AUTS2: variants seen among roughly 807,000 people sequenced by gnomAD.
AUTS2 encodes the protein activator of transcription and developmental regulator AUTS2, also known as autism susceptibility gene 2 protein.
AUTS2 carries 17 observed loss-of-function variants against 112.4 expected under a neutral mutation model. The ratio of observed to expected loss-of-function variants is 0.15; its 90% confidence interval spans 0.10 to 0.23. AUTS2 has a LOEUF of 0.23. AUTS2 is among the 10% of genes least tolerant of loss of function. The pLI, the probability that AUTS2 is intolerant of heterozygous loss-of-function variation, is 1.00. For synonymous variants in AUTS2, 751 were observed against 702.7 expected (o/e 1.07, Z -1.09); for missense variants, 1,510 against 1,701.6 (o/e 0.89, Z 1.98).
At position 70,590,885 on chromosome 7, in the gene AUTS2, C is replaced by T. The variant is rs567988963; in HGVS notation, c.691-107684C>T. On this transcript the variant is annotated intron_variant, in intron 5 of 18. Coordinates refer to ENST00000342771, the MANE Select transcript of AUTS2 (RefSeq NM_015570.4). ...CATAGCTGTCCTTTCAGAGTGCCATCGGTTTCAAATGTTTCATTGTATTGA... is the reference window on the plus strand; with the variant it reads ...CATAGCTGTCCTTTCAGAGTGCCATTGGTTTCAAATGTTTCATTGTATTGA... Among the ~76,000 whole-genome samples, 47 of 152,260 alleles carry T rather than the reference C, an allele frequency of 3.1e-4. No homozygotes were observed. In the South Asian group the frequency reaches 7.5e-3, roughly 24 times the overall value.
chr7:70,094,906 A>C (rs1187824576), intron 2 of AUTS2, among the ~76,000 whole-genome samples: 1 of 152,128 alleles, frequency 6.6e-6, no homozygotes, highest in Non-Finnish European at 1.5e-5. Context: ...AGGAGTCTGT[A>C]AGCCTTCTCC....
At chr7:70,365,532 A>C (rs1792530650) in intron 4 of AUTS2, among the ~76,000 whole-genome samples, 1 of 152,222 alleles carries the variant, frequency 6.6e-6, no homozygotes. Flanking sequence ...AAAGGCTAGA[A>C]GTTCATAGAC....
At chr7:70,600,777 T>A (rs148093867) in intron 5 of AUTS2, among the ~76,000 whole-genome samples, 77 of 152,324 alleles carry the variant, frequency 5.1e-4, no homozygotes, top group African/African-American at 1.8e-3. Context: ...TTTATTTAAC[T>A]TGAGTAATGC....
chr7:69,696,725 A>G (rs1192327981), intron 1 of AUTS2, among the ~76,000 whole-genome samples: 1 of 152,192 alleles, frequency 6.6e-6, no homozygotes, highest in African/African-American at 2.4e-5. Context: ...TTTGTGTAAC[A>G]TTAATTTTCT....
At chr7:70,751,906 G>T (rs1197197566) in intron 6 of AUTS2, among the ~76,000 whole-genome samples, 2 of 149,844 alleles carry the variant, frequency 1.3e-5, no homozygotes, top group African/African-American at 4.9e-5. Context: ...TTTTTTTTTA[G>T]TAGAGACAGA....
intron 5 of AUTS2, among the ~76,000 whole-genome samples, chr7:70,645,443 C>G (rs1354027528): frequency 2.6e-5 from 4 of 152,078 alleles, no homozygotes; most frequent in African/African-American, 4.8e-5. Context: ...TCCACACCAC[C>G]AGATGGTCTG....
chr7:70,121,052 T>G (rs535408079), intron 3 of AUTS2, among the ~76,000 whole-genome samples: 1 of 152,286 alleles, frequency 6.6e-6, no homozygotes, highest in Admixed American at 6.5e-5. Context: ...CATACTTATA[T>G]GCCTAAATGA....
chr7:70,748,117 C>G (rs1334291342), intron 6 of AUTS2, among the ~76,000 whole-genome samples: 1 of 151,110 alleles, frequency 6.6e-6, no homozygotes, highest in Non-Finnish European at 1.5e-5. Context: ...CATGAGCCAC[C>G]GCGCCTGGCC....
intron 1 of AUTS2, among the ~76,000 whole-genome samples, chr7:69,722,316 T>C (rs759933724): frequency 5.3e-5 from 8 of 152,096 alleles, no homozygotes; most frequent in Non-Finnish European, 8.8e-5. Context: ...AGAAGGCTAT[T>C]TCCATTCTTA....
chr7:69,845,484 C>T (rs1792156647), intron 1 of AUTS2, among the ~76,000 whole-genome samples: 1 of 152,140 alleles, frequency 6.6e-6, no homozygotes, highest in Admixed American at 6.6e-5. Flanking sequence ...TATTGTCTGC[C>T]ACAGTGATGC....
intron 3 of AUTS2, among the ~76,000 whole-genome samples, chr7:70,124,999 A>T (rs532172615): frequency 5.3e-4 from 80 of 152,308 alleles, no homozygotes; most frequent in African/African-American, 1.5e-3. Context: ...TTCATTGAAC[A>T]TATGGAAAAT....
chr7:70,609,963 T>TTGTTGC (rs201630715), intron 5 of AUTS2, among the ~76,000 whole-genome samples: 360 of 22,532 alleles, frequency 0.016, 7 homozygotes, highest in East Asian at 0.14. Flanking sequence ...CTGTTTTTTG[T>TTGTTGC]TGTTGTTGTT....
At chr7:70,705,865 G>A (rs1283978983) in intron 6 of AUTS2, among the ~76,000 whole-genome samples, 8 of 152,160 alleles carry the variant, frequency 5.3e-5, no homozygotes, top group Admixed American at 1.3e-4. Flanking sequence ...TCAATCCCTC[G>A]TGGGGTGCTC....
At chr7:70,152,277 G>A (rs1401357856) in intron 4 of AUTS2, among the ~76,000 whole-genome samples, 1 of 152,012 alleles carries the variant, frequency 6.6e-6, no homozygotes, top group African/African-American at 2.4e-5. Context: ...CAAATTTGAT[G>A]AAAATAGTGC....
At chr7:69,907,998 C>G (rs1172195840) in intron 2 of AUTS2, among the ~76,000 whole-genome samples, 1 of 152,152 alleles carries the variant, frequency 6.6e-6, no homozygotes, top group East Asian at 1.9e-4. Context: ...TAGCTTTGCA[C>G]AGAAATCTTG....
intron 5 of AUTS2, among the ~76,000 whole-genome samples, chr7:70,661,006 C>T (rs1223559570): frequency 6.6e-6 from 1 of 152,120 alleles, no homozygotes; most frequent in Non-Finnish European, 1.5e-5. Flanking sequence ...CATGTCACAC[C>T]CTGCAATTAC....
chr7:70,378,502 T>C (rs1274499270), intron 4 of AUTS2, among the ~76,000 whole-genome samples: 3 of 152,238 alleles, frequency 2.0e-5, no homozygotes, highest in Non-Finnish European at 2.9e-5. Flanking sequence ...TTAGCTCTTA[T>C]GTGAATTAAT....
chr7:69,752,318 T>G (rs1208060853), intron 1 of AUTS2, among the ~76,000 whole-genome samples: 1 of 152,236 alleles, frequency 6.6e-6, no homozygotes, highest in Non-Finnish European at 1.5e-5. Context: ...GTTGTGCAGA[T>G]GGGGCCTAGA....
At chr7:70,438,837 A>T (rs1403775618) in intron 5 of AUTS2, among the ~76,000 whole-genome samples, 2 of 152,204 alleles carry the variant, frequency 1.3e-5, no homozygotes, top group Non-Finnish European at 2.9e-5. Context: ...GTCCTGGGAT[A>T]CCTTCAGCAA....
Sources: allele counts gnomAD v4.1 joint callset (sites outside exome capture counted in the v4.1 genomes callset), GRCh38; gene constraint gnomAD v4.1.1; transcripts MANE v1.5; gene names NCBI Gene and HGNC (gene_info 2026-07-23, HGNC 2026-07-21).